Variants in TAFA1 observed in about 807,000 individuals in gnomAD.
The protein encoded by TAFA1 is chemokine-like protein TAFA-1.
Under a neutral mutation model 18.5 loss-of-function variants are expected in TAFA1, and 4 were observed. The ratio of observed to expected loss-of-function variants is 0.22; its 90% confidence interval spans 0.11 to 0.49. The LOEUF (loss-of-function observed/expected upper bound fraction) is 0.49. Ranked by LOEUF, TAFA1 falls within the 20% of genes least tolerant of loss-of-function variation. The probability of loss-of-function intolerance (pLI) is 0.98; values close to 1 mark genes in which losing one functional copy is unlikely to be tolerated. For missense variants in TAFA1, 147 were observed against 169.0 expected, an observed-to-expected ratio of 0.87 and a Z score of 0.72; for synonymous variants, 56 against 55.2, an observed-to-expected ratio of 1.01 and a Z score of -0.06.
intron 2 of TAFA1, among the ~76,000 whole-genome samples, chr3:68,298,184 C>G (rs934545571): frequency 6.6e-6 from 1 of 152,192 alleles, no homozygotes; most frequent in Admixed American, 6.5e-5. Context: ...AAGCTAATGA[C>G]ACCCCATCTT....
intron 3 of TAFA1, among the ~76,000 whole-genome samples, chr3:68,498,721 GCTTTTTTT>G (rs1471784585): frequency 0.021 from 2,089 of 101,544 alleles, 124 homozygotes; most frequent in East Asian, 0.064. Flanking sequence ...CCGTTTGGTG[GCTTTTTTT>G]TTTTTTTTTT....
At chr3:68,092,922 G>A (rs1184741346) in intron 2 of TAFA1, among the ~76,000 whole-genome samples, 2 of 152,078 alleles carry the variant, frequency 1.3e-5, no homozygotes, top group Non-Finnish European at 2.9e-5. Flanking sequence ...GAACAAGGCT[G>A]GCTGGGAAAA....
intron 2 of TAFA1, among the ~76,000 whole-genome samples, chr3:68,333,705 G>A (rs1209037752): frequency 6.6e-6 from 1 of 152,106 alleles, no homozygotes; most frequent in Non-Finnish European, 1.5e-5. Context: ...AAATCAGTGA[G>A]TGAAAGAGAG....
At chr3:68,377,410 A>G (rs1575816665) in intron 2 of TAFA1, among the ~76,000 whole-genome samples, 1 of 152,314 alleles carries the variant, frequency 6.6e-6, no homozygotes, top group East Asian at 1.9e-4. Flanking sequence ...CACTCTTACT[A>G]TGCTTTAGCA....
intron 3 of TAFA1, among the ~76,000 whole-genome samples, chr3:68,474,118 T>C (rs2072048968): frequency 6.6e-6 from 1 of 150,506 alleles, no homozygotes; most frequent in Non-Finnish European, 1.5e-5. Context: ...TATCAAATAA[T>C]TTCCTAGACA....
chr3:68,145,165 A>G (rs1293737859), intron 2 of TAFA1: 6 of 841,102 alleles, frequency 7.1e-6, no homozygotes, highest in African/African-American at 6.6e-5. Context: ...ATAATGCAAG[A>G]TATCTTTGGA....
At chr3:68,256,457 A>G (rs760184132) in intron 2 of TAFA1, among the ~76,000 whole-genome samples, 17 of 152,136 alleles carry the variant, frequency 1.1e-4, no homozygotes, top group Non-Finnish European at 2.1e-4. Flanking sequence ...AGTGGGGATA[A>G]TAATAGTACC....
chr3:68,033,102 T>A (rs1220148505), intron 2 of TAFA1, among the ~76,000 whole-genome samples: 1 of 152,180 alleles, frequency 6.6e-6, no homozygotes, highest in Non-Finnish European at 1.5e-5. Flanking sequence ...AATACAATAA[T>A]GAAAAAGTGG....
At chr3:68,331,366 T>C (rs2068865787) in intron 2 of TAFA1, among the ~76,000 whole-genome samples, 1 of 152,132 alleles carries the variant, frequency 6.6e-6, no homozygotes, top group African/African-American at 2.4e-5. Flanking sequence ...TAGATAGTGG[T>C]GATGGTTTTG....
chr3:68,247,427 A>G (rs1391762133), intron 2 of TAFA1: 3 of 152,152 alleles, frequency 2.0e-5, no homozygotes, highest in Non-Finnish European at 2.9e-5. Flanking sequence ...GCTCAAGTGG[A>G]CAGCATTAGG....
At chr3:68,127,648 C>T (rs111342425) in intron 2 of TAFA1, among the ~76,000 whole-genome samples, 3 of 738 alleles carry the variant, frequency 4.1e-3, no homozygotes, top group African/African-American at 0.013. Context: ...ATGCTGATGA[C>T]AGTGGTGGTG....
At chr3:68,246,473 C>G (rs1055866374) in intron 2 of TAFA1, among the ~76,000 whole-genome samples, 3 of 151,208 alleles carry the variant, frequency 2.0e-5, no homozygotes, top group Admixed American at 1.3e-4. Flanking sequence ...GCCTGTAGTC[C>G]CAGCTACTCG....
At chr3:68,312,040 G>C (rs576094491) in intron 2 of TAFA1, among the ~76,000 whole-genome samples, 1 of 152,176 alleles carries the variant, frequency 6.6e-6, no homozygotes, top group Non-Finnish European at 1.5e-5. Flanking sequence ...TGTGGAAGCT[G>C]CCAAGGCTTG....
chr3:68,157,566 TC>T (rs2065879611), intron 2 of TAFA1, among the ~76,000 whole-genome samples: 1 of 152,204 alleles, frequency 6.6e-6, no homozygotes, highest in Non-Finnish European at 1.5e-5. Flanking sequence ...GACTAAGAAA[TC>T]TTATGGTCTC....
At chr3:68,452,026 C>T (rs930279780) in intron 3 of TAFA1, among the ~76,000 whole-genome samples, 3 of 151,834 alleles carry the variant, frequency 2.0e-5, no homozygotes, top group African/African-American at 7.3e-5. Context: ...CAGATGATCA[C>T]CCAGGATAGA....
intron 3 of TAFA1, among the ~76,000 whole-genome samples, chr3:68,462,804 T>C (rs764768772): frequency 2.0e-5 from 3 of 152,310 alleles, no homozygotes; most frequent in Non-Finnish European, 4.4e-5. Flanking sequence ...AATTATGACA[T>C]ATATCAGAGA....
At chr3:68,193,397 T>C (rs879705985) in intron 2 of TAFA1, among the ~76,000 whole-genome samples, 6 of 151,818 alleles carry the variant, frequency 4.0e-5, no homozygotes, top group Non-Finnish European at 8.8e-5. Context: ...AGAAGTTCAA[T>C]AGAATTCACA....
intron 2 of TAFA1, among the ~76,000 whole-genome samples, chr3:68,244,920 T>A (rs1190147050): frequency 6.6e-6 from 1 of 152,156 alleles, no homozygotes; most frequent in Non-Finnish European, 1.5e-5. Context: ...AAAGACAGTG[T>A]GACACAAAGT....
intron 2 of TAFA1, among the ~76,000 whole-genome samples, chr3:68,220,322 T>C (rs77479159): frequency 0.11 from 17,367 of 152,132 alleles, 1,185 homozygotes; most frequent in Admixed American, 0.21. Flanking sequence ...GGAACTTAGA[T>C]GAGAAAGTGA....
Sources: allele counts gnomAD v4.1 joint callset (sites outside exome capture counted in the v4.1 genomes callset), GRCh38; gene constraint gnomAD v4.1.1; transcripts MANE v1.5; gene names NCBI Gene and HGNC (gene_info 2026-07-23, HGNC 2026-07-21).